Variants in CCNJL observed in about 807,000 individuals in gnomAD.
CCNJL encodes cyclin J like.
In CCNJL, 33 loss-of-function variants were observed where a neutral mutation model predicts 33.4. The ratio of observed to expected loss-of-function variants is 0.99; its 90% CI spans 0.75 to 1.32. The LOEUF (loss-of-function observed/expected upper bound fraction) is 1.32. Among genes scored for constraint, CCNJL ranks in the 40% most tolerant of loss-of-function variants. CCNJL has a pLI of 0.00. For synonymous variants in CCNJL, 227 were observed against 220.9 expected, an observed-to-expected ratio of 1.03 and a Z score of -0.24; for missense variants, 512 against 499.7, an observed-to-expected ratio of 1.02 and a Z score of -0.23.
intron 2 of CCNJL, among the ~76,000 whole-genome samples, chr5:160,308,351 C>T (rs938136336): frequency 1.3e-5 from 2 of 152,212 alleles, no homozygotes; most frequent in South Asian, 4.1e-4. Flanking sequence ...ATTCCATACA[C>T]ATCGGGAAGC....
At chr5:160,295,419 T>C (rs1762722723) in intron 2 of CCNJL, among the ~76,000 whole-genome samples, 5 of 152,154 alleles carry the variant, frequency 3.3e-5, no homozygotes, top group African/African-American at 9.7e-5. Context: ...ACCCGGGCAC[T>C]GGAGGTTGTA....
At chr5:160,253,880 G>T in intron 5 of CCNJL, 82 bp from the exon 6 acceptor site, 1 of 1,125,086 alleles carries the variant, frequency 8.9e-7, no homozygotes, top group Non-Finnish European at 1.2e-6. Context: ...CTTGCTAAGT[G>T]GGACTGGAAG....
intron 3 of CCNJL, among the ~76,000 whole-genome samples, chr5:160,270,433 A>C (rs532697836): frequency 6.6e-6 from 1 of 151,282 alleles, no homozygotes; most frequent in African/African-American, 2.4e-5. Context: ...GACAGAGCAA[A>C]ATGGTGTCTC....
In CCNJL at chr5:160,311,870, G is replaced by T. The variant is rs375371521; in HGVS notation, c.54C>A (p.Thr18=). The T allele has an allele frequency of 1.8e-5, 29 of 1,613,910 alleles. No individual in the cohort carries two copies. Among genetic ancestry groups the T allele is most frequent in the Non-Finnish European group, 2.3e-5 (27 of 1,179,900 alleles). Residue 18 remains threonine, a synonymous_variant, in exon 2 of 6, where the codon ACC becomes ACA. Transcript: ENST00000257536. ...GGGAGGGACTGACCTTCTCGCGCAG[G>T]GTGCAGTGGACGTCCGAGGCGACGC... The part of the protein sequence containing the change: ...EGRVASDVHC[T]LREKELKLPT...
At chr5:160,314,003 A>G (rs546482746), upstream of CCNJL, among the ~76,000 whole-genome samples, 31 of 152,336 alleles carry the variant, frequency 2.0e-4, no homozygotes, top group Middle Eastern at 3.4e-3. Flanking sequence ...CCCTGTTTCT[A>G]CTAAAAATAC....
upstream of CCNJL, chr5:160,315,582 T>A (rs1432224455): frequency 2.4e-5 from 2 of 83,702 alleles, no homozygotes; most frequent in African/African-American, 6.3e-5. Flanking sequence ...AAGATTAGAG[T>A]ACGATCCCAG....
At chr5:160,284,833 G>A (rs1034729480) in intron 2 of CCNJL, among the ~76,000 whole-genome samples, 3 of 152,146 alleles carry the variant, frequency 2.0e-5, no homozygotes, top group African/African-American at 7.2e-5. Flanking sequence ...ACTAGCAAAA[G>A]ATCTTAATTA....
intron 2 of CCNJL, among the ~76,000 whole-genome samples, chr5:160,298,121 G>A (rs758349798): frequency 2.0e-5 from 3 of 152,178 alleles, no homozygotes; most frequent in Non-Finnish European, 4.4e-5. Flanking sequence ...GGGGACTCTG[G>A]TCAAACATTT....
chr5:160,327,964 C>T (rs1266182867), intron 1 of CCNJL, among the ~76,000 whole-genome samples: 1 of 152,240 alleles, frequency 6.6e-6, no homozygotes, highest in Non-Finnish European at 1.5e-5. Context: ...CAGACACCCC[C>T]TGACACTGGG....
upstream of CCNJL, among the ~76,000 whole-genome samples, chr5:160,314,093 T>C (rs1763348261): frequency 6.6e-6 from 1 of 152,142 alleles, no homozygotes; most frequent in African/African-American, 2.4e-5. Context: ...CACTTGCATC[T>C]GGGAGGCGGA....
chr5:160,294,047 C>T (rs887423845), intron 2 of CCNJL, among the ~76,000 whole-genome samples: 2 of 152,062 alleles, frequency 1.3e-5, no homozygotes, highest in South Asian at 2.1e-4. Context: ...AACAAAGAAC[C>T]GCAGAGAGGT....
chr5:160,306,198 G>A (rs1763090709), intron 2 of CCNJL, among the ~76,000 whole-genome samples: 1 of 149,152 alleles, frequency 6.7e-6, no homozygotes, highest in Admixed American at 6.8e-5. Flanking sequence ...TTGAACCCAG[G>A]AGGCAGTGGT....
rs567857185 is a variant in CCNJL at position 160,311,673 on chromosome 5, C to G, written c.66+185G>C. ...CAGAAAAACCAACTTCAATCTCTCCCATCTCCAGTCTCTAACCCCCGCCCC... is the reference window on the plus strand; with the variant it reads ...CAGAAAAACCAACTTCAATCTCTCCGATCTCCAGTCTCTAACCCCCGCCCC... On this transcript the variant is annotated intron_variant, in intron 2 of 5. Transcript: ENST00000257536. 3.3e-5 allele frequency among the ~76,000 whole-genome samples: 5 copies of G among 152,274 alleles called. No individual in the cohort carries two copies. The South Asian group carries it at 8.3e-4, about 25-fold the overall frequency.
intron 1 of CCNJL, among the ~76,000 whole-genome samples, 179 bp from the exon 2 acceptor site, chr5:160,312,151 C>A (rs1339942650): frequency 6.6e-6 from 1 of 152,208 alleles, no homozygotes; most frequent in Non-Finnish European, 1.5e-5. Context: ...CCCCTCTGCT[C>A]GCCGGACACG....
At chr5:160,324,968 A>G (rs769575699) in intron 1 of CCNJL, among the ~76,000 whole-genome samples, 23 of 152,194 alleles carry the variant, frequency 1.5e-4, no homozygotes, top group Non-Finnish European at 2.9e-4. Flanking sequence ...ATATGCTTCC[A>G]AGGTACTTGG....
At chr5:160,335,192 G>A (rs1043995357) in intron 1 of CCNJL, among the ~76,000 whole-genome samples, 4 of 152,228 alleles carry the variant, frequency 2.6e-5, no homozygotes, top group African/African-American at 9.6e-5. Flanking sequence ...GAACCTGGCA[G>A]GCAGAGGTTG....
rs1190160902 is a variant in CCNJL, at chr5:160,251,577, G to C, written c.*1801C>G. On this transcript the variant is annotated 3_prime_UTR_variant, in exon 6 of 6. Transcript: ENST00000257536. Reference sequence around the variant, plus strand: ...CCCCAATATTCCACCCTCTACCATAGGGAGATGCTCACCAGGGCTGATTTG... The same window carrying C: ...CCCCAATATTCCACCCTCTACCATACGGAGATGCTCACCAGGGCTGATTTG... 1 of 152,308 alleles carries C rather than the reference G, an allele frequency of 6.6e-6. No individual in the cohort carries two copies. The highest frequency in any genetic ancestry group is 6.6e-5 in the Admixed American group (1 of 15,258). 9.4% of individuals were successfully genotyped at this position (152,308 alleles called of 1,614,324 possible). A position where few individuals can be genotyped will look rare whatever the true frequency, so the allele number is the denominator to read the frequency against.
intron 3 of CCNJL, among the ~76,000 whole-genome samples, chr5:160,267,168 G>A (rs1285080954): frequency 2.0e-5 from 3 of 152,184 alleles, no homozygotes; most frequent in Non-Finnish European, 4.4e-5. Context: ...ACGCACAGCA[G>A]GCATCAAATG....
intron 2 of CCNJL, among the ~76,000 whole-genome samples, chr5:160,310,319 T>G (rs894700446): frequency 2.0e-5 from 3 of 152,210 alleles, no homozygotes; most frequent in Admixed American, 2.0e-4. Flanking sequence ...GTGCCACACG[T>G]TGGCCACTCT....
Sources: gnomAD v4.1 joint callset for allele counts (sites outside exome capture counted in the v4.1 genomes callset) on GRCh38, gnomAD v4.1.1 for gene constraint, MANE v1.5 for transcripts, NCBI Gene and HGNC (gene_info 2026-07-23, HGNC 2026-07-21) for gene names.